Variants in CATSPERE observed in about 807,000 individuals in gnomAD.
CATSPERE encodes catsper channel auxiliary subunit epsilon, also known as cation channel sperm-associated auxiliary subunit epsilon.
CATSPERE carries 93 observed loss-of-function variants against 114.1 expected under a neutral mutation model. That is an observed-to-expected ratio of 0.81 (90% CI 0.69 to 0.97). The LOEUF is 0.97. CATSPERE is among the 50% of genes least tolerant of loss of function. The probability of loss-of-function intolerance (pLI) is 0.00; values close to 1 mark genes in which losing one functional copy is unlikely to be tolerated. For synonymous variants in CATSPERE, 341 were observed against 384.1 expected (o/e 0.89, Z 1.31); for missense variants, 1,058 against 1,131.6 (o/e 0.93, Z 0.93).
At chr1:244,503,909 TACTC>T (rs950123151) in intron 7 of CATSPERE, among the ~76,000 whole-genome samples, 4 of 152,254 alleles carry the variant, frequency 2.6e-5, no homozygotes, top group Non-Finnish European at 5.9e-5. Flanking sequence ...CTCACTGAGT[TACTC>T]ATATCAGTTA....
Position 244,572,501 on chromosome 1 carries a change from C to A in CATSPERE, c.1679C>A (p.Thr560Lys), listed in dbSNP as rs1664613387. 6.2e-7 allele frequency: 1 copy of A among 1,614,056 alleles called. No individual in the cohort carries two copies. Among genetic ancestry groups the A allele is most frequent in the Non-Finnish European group, 8.5e-7 (1 of 1,179,956 alleles). ...TYFLYALDDG[T>K]IQIQDYPLHL... is the part of the protein sequence containing the mutation. ...TTCCTGTATGCTTTGGATGATGGCACAATACAAATACAGGACTATCCCTTA... is the reference window on the plus strand; with the variant it reads ...TTCCTGTATGCTTTGGATGATGGCAAAATACAAATACAGGACTATCCCTTA... Residue 560 changes from threonine (T) to lysine (K), a missense_variant, in exon 11 of 22, where the codon ACA becomes AAA. Transcript: ENST00000366534.
At chr1:244,589,037 C>A (rs1380835384) in intron 14 of CATSPERE, among the ~76,000 whole-genome samples, 2 of 152,178 alleles carry the variant, frequency 1.3e-5, no homozygotes. Context: ...AGAATCCCAA[C>A]GTGTGAATTT....
At position 244,518,065 on chromosome 1, in the gene CATSPERE, A is replaced by G. The variant is rs148435380; in HGVS notation, c.430-527A>G. Among the ~76,000 whole-genome samples the G allele has an allele frequency of 2.8e-3, 424 of 152,336 alleles. 7 individuals are homozygous for G. Among genetic ancestry groups the G allele is most frequent in the African/African-American group, 9.8e-3 (407 of 41,570 alleles). On this transcript the variant is annotated intron_variant, in intron 7 of 21. Coordinates refer to ENST00000366534, the MANE Select transcript of CATSPERE (RefSeq NM_001130957.2). ...ATAGTAAAACAGTTGCTTCCATTCT[A>G]AAAGTACCTTATTAGGAATAATTCC...
chr1:244,483,392 C>T (rs114811756), intron 5 of CATSPERE, among the ~76,000 whole-genome samples: 1,909 of 152,288 alleles, frequency 0.013, 23 homozygotes, highest in Middle Eastern at 0.044. Context: ...TTCAACTTTA[C>T]TGGGTGATGC....
chr1:244,622,803 A>G (rs914057624), intron 20 of CATSPERE, among the ~76,000 whole-genome samples: 2 of 152,104 alleles, frequency 1.3e-5, no homozygotes, highest in African/African-American at 4.8e-5. Context: ...ACTTCATCCA[A>G]AGAGAATTCC....
intron 7 of CATSPERE, among the ~76,000 whole-genome samples, chr1:244,500,554 T>C (rs1441483285): frequency 6.6e-6 from 1 of 152,334 alleles, no homozygotes; most frequent in African/African-American, 2.4e-5. Context: ...GTTTCTGTTT[T>C]CTGAATAAGG....
chr1:244,490,975 G>C (rs1407307160), intron 6 of CATSPERE, among the ~76,000 whole-genome samples: 2 of 152,040 alleles, frequency 1.3e-5, no homozygotes, highest in African/African-American at 2.4e-5. Context: ...AAGCCTTGTA[G>C]GATTCTTAAT....
rs771813567 is a variant in CATSPERE, at chr1:244,552,819, GT to G, written c.1029+6del. On this transcript the variant is annotated splice_donor_region_variant and intron_variant, in intron 9 of 21. Transcript: ENST00000366534. ...TGGGTCAATTATTTATTAAAGGTTA[GT>G]AAAAGATATTTTATATTTTATAAAT... 7.5e-7 allele frequency: 1 copy of G among 1,340,126 alleles called. No individual in the cohort carries two copies. Among genetic ancestry groups the G allele is most frequent in the African/African-American group, 1.5e-5 (1 of 65,732 alleles). 83.0% of individuals were successfully genotyped at this position (1,340,126 alleles called of 1,614,324 possible).
chr1:244,453,047 A>T (rs894351786), upstream of CATSPERE, among the ~76,000 whole-genome samples: 1 of 152,230 alleles, frequency 6.6e-6, no homozygotes, highest in Non-Finnish European at 1.5e-5. Context: ...CAATGAGTTA[A>T]GTCAGGAACA....
At chr1:244,490,940 G>C (rs374858101) in intron 6 of CATSPERE, among the ~76,000 whole-genome samples, 4 of 151,824 alleles carry the variant, frequency 2.6e-5, no homozygotes, top group Admixed American at 1.3e-4. Flanking sequence ...AGTAAATACA[G>C]GTGGATCTAA....
intron 8 of CATSPERE, among the ~76,000 whole-genome samples, chr1:244,543,423 C>T (rs946848187): frequency 3.3e-5 from 5 of 151,434 alleles, no homozygotes; most frequent in South Asian, 2.1e-4. Context: ...TATATGAAAA[C>T]GCTAAAAAAG....
chr1:244,540,484 A>G (rs1658487121), intron 8 of CATSPERE, among the ~76,000 whole-genome samples: 1 of 143,390 alleles, frequency 7.0e-6, no homozygotes, highest in Non-Finnish European at 1.5e-5. Context: ...ACTACAAACC[A>G]CTGCTCAATG....
In CATSPERE at chr1:244,479,734, T is replaced by A; in HGVS notation, c.276T>A (p.Tyr92Ter). 6.2e-7 allele frequency: 1 copy of A among 1,600,882 alleles called. No homozygotes were observed. The highest frequency in any genetic ancestry group is 8.5e-7 in the Non-Finnish European group (1 of 1,171,112). The change falls in exon 5 of 22, where the codon TAT becomes TAA. Residue 92 changes from tyrosine (Y) to a stop codon, truncating the protein, a stop_gained. Coordinates refer to ENST00000366534, the MANE Select transcript of CATSPERE (RefSeq NM_001130957.2). LOFTEE classifies it high-confidence loss of function. ...TCTTTTAGGATGAAGAAGAACGCTA[T>A]TTATTTGTGGAAAGTTCTCATACTT... is the stretch of plus-strand genomic sequence containing the variant. Reference protein sequence around the residue: ...IVTGPDEEERYLFVESSHTCF... With the variant: ...IVTGPDEEER
At chr1:244,518,821 CAT>C in intron 8 of CATSPERE, 123 bp downstream of exon 8, 1 of 528,606 alleles carries the variant, frequency 1.9e-6, no homozygotes, top group Non-Finnish European at 3.3e-6. Context: ...TTTTATAAAA[CAT>C]AAAAAATTTG....
chr1:244,565,828 T>C (rs886299243), intron 10 of CATSPERE, among the ~76,000 whole-genome samples: 3 of 152,182 alleles, frequency 2.0e-5, no homozygotes, highest in Non-Finnish European at 2.9e-5. Flanking sequence ...TTCGTGTCTC[T>C]ATCTCCTTCA....
rs1207251990 is a variant in CATSPERE at position 244,572,658 on chromosome 1, C to G, written c.1836C>G (p.Val612=). ...CTCTGACAGTTTGGACTCAGATCGT[C>G]TATCCAGAAAACACTGGTCTGTATG... ...GEALTVWTQI[V]YPENTGLYVI... The change falls in exon 11 of 22, where the codon GTC becomes GTG. Residue 612 remains valine, a synonymous_variant. Coordinates refer to ENST00000366534, the MANE Select transcript of CATSPERE (RefSeq NM_001130957.2). 3 of 1,614,006 alleles carry G rather than the reference C, an allele frequency of 1.9e-6. No individual in the cohort carries two copies. Among genetic ancestry groups the G allele is most frequent in the Non-Finnish European group, 2.5e-6 (3 of 1,179,894 alleles).
chr1:244,475,635 G>A (rs535588400), intron 2 of CATSPERE, among the ~76,000 whole-genome samples: 3 of 145,244 alleles, frequency 2.1e-5, no homozygotes, highest in African/African-American at 7.6e-5. Flanking sequence ...CTCCCTGGCT[G>A]AAGCGATTCT....
intron 5 of CATSPERE, among the ~76,000 whole-genome samples, chr1:244,487,619 G>A (rs1419912388): frequency 6.6e-6 from 1 of 152,168 alleles, no homozygotes; most frequent in Non-Finnish European, 1.5e-5. Flanking sequence ...GCGTGCAGTT[G>A]CCCTACCCCG....
At chr1:244,609,494 G>A (rs1449261847) in intron 18 of CATSPERE, among the ~76,000 whole-genome samples, 1 of 151,938 alleles carries the variant, frequency 6.6e-6, no homozygotes, top group Non-Finnish European at 1.5e-5. Context: ...GGGGTTACAG[G>A]TGCACGCCAC....
Sources: allele counts gnomAD v4.1 joint callset (sites outside exome capture counted in the v4.1 genomes callset), GRCh38; gene constraint gnomAD v4.1.1; transcripts MANE v1.5; gene names NCBI Gene and HGNC (gene_info 2026-07-23, HGNC 2026-07-21).